FSTL4: variants seen among roughly 807,000 people sequenced by gnomAD.
FSTL4 encodes the protein follistatin like 4.
Under a neutral mutation model 78.2 loss-of-function variants are expected in FSTL4, and 28 were observed. The observed-to-expected ratio is 0.36, with a 90% CI of 0.27 to 0.49. The LOEUF is 0.49. Ranked by LOEUF, FSTL4 falls within the 20% of genes least tolerant of loss-of-function variation. FSTL4 has a pLI of 0.98. For missense variants in FSTL4, 922 were observed against 1,084.9 expected, an observed-to-expected ratio of 0.85 and a Z score of 2.11; for synonymous variants, 422 against 440.5, an observed-to-expected ratio of 0.96 and a Z score of 0.53.
At chr5:133,405,292 G>A (rs1561705059) in intron 3 of FSTL4, among the ~76,000 whole-genome samples, 1 of 152,230 alleles carries the variant, frequency 6.6e-6, no homozygotes, top group Non-Finnish European at 1.5e-5. Context: ...AAAAGAGCAA[G>A]GCGTGAATGC....
chr5:133,455,867 C>T (rs1214378360), intron 3 of FSTL4, among the ~76,000 whole-genome samples: 1 of 152,244 alleles, frequency 6.6e-6, no homozygotes, highest in Non-Finnish European at 1.5e-5. Context: ...CCTCCTGCTC[C>T]CTTGCCAGGA....
chr5:133,427,058 A>G (rs1756835424), intron 3 of FSTL4, among the ~76,000 whole-genome samples: 2 of 152,062 alleles, frequency 1.3e-5, no homozygotes, highest in Non-Finnish European at 2.9e-5. Context: ...ACTGCCCCCC[A>G]AGACTACCCC....
chr5:133,499,916 G>A (rs924023794), intron 3 of FSTL4, among the ~76,000 whole-genome samples: 3 of 152,098 alleles, frequency 2.0e-5, no homozygotes, highest in Admixed American at 6.5e-5. Context: ...TTAATGGCCC[G>A]CTCTGAGCAC....
At chr5:133,777,295 C>T in the FSTL4 span, among the ~76,000 whole-genome samples, 2 of 151,850 alleles carry the variant, frequency 1.3e-5, no homozygotes, top group African/African-American at 2.4e-5. Flanking sequence ...AAGTAGAATA[C>T]AAAATGTTAT....
the FSTL4 span, among the ~76,000 whole-genome samples, chr5:133,829,083 T>C: frequency 1.2e-4 from 19 of 152,314 alleles, no homozygotes; most frequent in African/African-American, 4.6e-4. Flanking sequence ...GGATTGCTCA[T>C]GTTCCTCCAA....
At chr5:133,827,463 G>C in the FSTL4 span, among the ~76,000 whole-genome samples, 2 of 152,150 alleles carry the variant, frequency 1.3e-5, no homozygotes, top group Non-Finnish European at 2.9e-5. Flanking sequence ...GATGCAGATA[G>C]TCTTGGGACC....
chr5:133,804,942 C>CA, the FSTL4 span, among the ~76,000 whole-genome samples: 88,160 of 94,504 alleles, frequency 0.93, 41,481 homozygotes, highest in Middle Eastern at 0.99. Context: ...GACTCCGTCT[C>CA]AAAAAAAAAA....
chr5:133,369,078 A>G (rs372063831), intron 4 of FSTL4, among the ~76,000 whole-genome samples: 1 of 152,166 alleles, frequency 6.6e-6, no homozygotes. Flanking sequence ...ATGGACTTCC[A>G]AGGCTGGCTT....
chr5:133,352,297 C>CACATATATATATAT (rs1754844427), intron 4 of FSTL4, among the ~76,000 whole-genome samples: 1 of 137,190 alleles, frequency 7.3e-6, no homozygotes, highest in Non-Finnish European at 1.5e-5. Context: ...TATATATACA[C>CACATATATATATAT]ACACATATAT....
At chr5:133,243,304 G>C (rs1751932705) in intron 7 of FSTL4, among the ~76,000 whole-genome samples, 1 of 152,014 alleles carries the variant, frequency 6.6e-6, no homozygotes, top group Admixed American at 6.6e-5. Context: ...GTTTGTTGTA[G>C]GCCTTTTTGT....
chr5:133,378,455 CCAGCAA>C, intron 4 of FSTL4, among the ~76,000 whole-genome samples: 1 of 152,010 alleles, frequency 6.6e-6, no homozygotes, highest in East Asian at 1.9e-4. Flanking sequence ...CTGAAGAAAA[CCAGCAA>C]TGGTAAATAA....
upstream of FSTL4, among the ~76,000 whole-genome samples, chr5:133,615,956 C>T (rs988254333): frequency 1.3e-5 from 2 of 152,112 alleles, no homozygotes; most frequent in African/African-American, 4.8e-5. Context: ...GGGAGATGAA[C>T]ATAAAACCCT....
chr5:133,638,771 G>T, the FSTL4 span, among the ~76,000 whole-genome samples: 15 of 151,572 alleles, frequency 9.9e-5, no homozygotes, highest in Admixed American at 7.9e-4. Flanking sequence ...CTCCACGAGG[G>T]CTGGACGTTT....
At chr5:133,340,471 T>C (rs974035752) in intron 4 of FSTL4, among the ~76,000 whole-genome samples, 2 of 152,150 alleles carry the variant, frequency 1.3e-5, no homozygotes, top group African/African-American at 4.8e-5. Flanking sequence ...AAGGTGACTG[T>C]AATGGAAACA....
intron 4 of FSTL4, among the ~76,000 whole-genome samples, chr5:133,381,288 G>A (rs766290125): frequency 1.4e-4 from 21 of 152,264 alleles, no homozygotes; most frequent in South Asian, 4.1e-4. Flanking sequence ...GATACATCGT[G>A]GCATAGTTAT....
chr5:133,637,165 A>T, the FSTL4 span, among the ~76,000 whole-genome samples: 1 of 152,234 alleles, frequency 6.6e-6, no homozygotes, highest in Non-Finnish European at 1.5e-5. Flanking sequence ...ATGTGACAGG[A>T]CAGACTGGAC....
chr5:133,490,564 T>C (rs1207301559), intron 3 of FSTL4, among the ~76,000 whole-genome samples: 1 of 152,232 alleles, frequency 6.6e-6, no homozygotes. Flanking sequence ...TCCTATATAC[T>C]TGAATATGTA....
the FSTL4 span, among the ~76,000 whole-genome samples, chr5:133,744,080 A>C: frequency 6.6e-6 from 1 of 152,222 alleles, no homozygotes; most frequent in Admixed American, 6.5e-5. Flanking sequence ...CCTCACCTGA[A>C]CTTACATCTG....
chr5:133,304,883 T>C (rs950144945), intron 6 of FSTL4, among the ~76,000 whole-genome samples: 17 of 152,168 alleles, frequency 1.1e-4, no homozygotes, highest in Non-Finnish European at 2.4e-4. Context: ...GGGGGCCCCA[T>C]TCCTGCCACC....
Sources: gnomAD v4.1 joint callset for allele counts (sites outside exome capture counted in the v4.1 genomes callset) on GRCh38, gnomAD v4.1.1 for gene constraint, MANE v1.5 for transcripts, NCBI Gene and HGNC (gene_info 2026-07-23, HGNC 2026-07-21) for gene names.